Variants in ATRNL1 observed in about 807,000 individuals in gnomAD.
ATRNL1 encodes attractin like 1.
Under a neutral mutation model 182.7 loss-of-function variants are expected in ATRNL1, and 95 were observed. The observed-to-expected ratio is 0.52, with a 90% CI of 0.44 to 0.62. The LOEUF is 0.62. Ranked by LOEUF, ATRNL1 falls within the 20% of genes least tolerant of loss-of-function variation. The pLI is 0.00. For synonymous variants in ATRNL1, 576 were observed against 568.3 expected (o/e 1.01, Z -0.19); for missense variants, 1,471 against 1,679.5 (o/e 0.88, Z 2.17).
At chr10:115,664,487 A>G (rs553528793) in intron 26 of ATRNL1, among the ~76,000 whole-genome samples, 1 of 152,164 alleles carries the variant, frequency 6.6e-6, no homozygotes, top group Non-Finnish European at 1.5e-5. Flanking sequence ...TGTGTTCAAG[A>G]TGAGTCAGTA....
intron 28 of ATRNL1, among the ~76,000 whole-genome samples, chr10:115,881,948 T>TA (rs1283610872): frequency 3.3e-5 from 5 of 152,172 alleles, no homozygotes; most frequent in Non-Finnish European, 7.4e-5. Context: ...CCTAAATGCA[T>TA]ACCACCTATC....
At chr10:115,157,348 G>C (rs1376176840) in intron 5 of ATRNL1, among the ~76,000 whole-genome samples, 1 of 151,922 alleles carries the variant, frequency 6.6e-6, no homozygotes, top group Admixed American at 6.6e-5. Context: ...TTAATATTCA[G>C]TTAATTAGTA....
At chr10:115,664,410 A>G (rs1555039049) in intron 26 of ATRNL1, among the ~76,000 whole-genome samples, 2 of 152,182 alleles carry the variant, frequency 1.3e-5, no homozygotes, top group African/African-American at 4.8e-5. Context: ...ATAAGGATAT[A>G]TGTAGGCTTT....
chr10:115,658,964 A>T (rs1555036878), intron 26 of ATRNL1, among the ~76,000 whole-genome samples: 1 of 152,164 alleles, frequency 6.6e-6, no homozygotes, highest in East Asian at 1.9e-4. Flanking sequence ...GAGCTGGGCC[A>T]TGGGGGAAGC....
intron 20 of ATRNL1, among the ~76,000 whole-genome samples, chr10:115,423,511 G>C (rs540231022): frequency 1.3e-5 from 2 of 152,102 alleles, no homozygotes; most frequent in African/African-American, 4.8e-5. Flanking sequence ...CTGGGCAACC[G>C]AGTGAGACTG....
At chr10:115,597,709 G>A (rs1259292623) in intron 26 of ATRNL1, 1 of 446,830 alleles carries the variant, frequency 2.2e-6, no homozygotes, top group Admixed American at 2.4e-5. Flanking sequence ...ACCACGCTCA[G>A]CTAATTTTTG....
intron 28 of ATRNL1, among the ~76,000 whole-genome samples, chr10:115,866,784 G>T (rs1309860548): frequency 6.6e-6 from 1 of 152,128 alleles, no homozygotes; most frequent in Admixed American, 6.5e-5. Context: ...AGCTACAAGG[G>T]ATTTTAAAGA....
chr10:115,283,319 C>A (rs989962132), intron 14 of ATRNL1, among the ~76,000 whole-genome samples: 7 of 152,098 alleles, frequency 4.6e-5, no homozygotes, highest in African/African-American at 1.7e-4. Flanking sequence ...GAGGCTGAGG[C>A]AGGAGAATCA....
intron 1 of ATRNL1, among the ~76,000 whole-genome samples, chr10:115,113,536 A>T (rs911104888): frequency 6.6e-6 from 1 of 152,134 alleles, no homozygotes; most frequent in African/African-American, 2.4e-5. Flanking sequence ...AGTCTTTCCC[A>T]TGCTGTTCTC....
intron 13 of ATRNL1, among the ~76,000 whole-genome samples, chr10:115,273,462 C>T (rs889550346): frequency 6.6e-6 from 1 of 152,004 alleles, no homozygotes; most frequent in Non-Finnish European, 1.5e-5. Flanking sequence ...ATTCATGTTC[C>T]TTCCAAGTTC....
At chr10:115,833,607 C>T (rs1392375350) in intron 27 of ATRNL1, among the ~76,000 whole-genome samples, 2 of 152,180 alleles carry the variant, frequency 1.3e-5, no homozygotes, top group African/African-American at 4.8e-5. Flanking sequence ...CCAGGCAGTA[C>T]TCTAAATGCT....
intron 19 of ATRNL1, among the ~76,000 whole-genome samples, chr10:115,380,265 A>T (rs964322351): frequency 1.3e-5 from 2 of 152,190 alleles, no homozygotes; most frequent in Non-Finnish European, 2.9e-5. Context: ...GTTTTTTCAA[A>T]GGTAATAATC....
rs973636067 is a variant in ATRNL1, at chr10:115,506,357, C to T, written c.3655-12906C>T. On this transcript the variant is annotated intron_variant, in intron 24 of 28. Transcript: ENST00000355044. ...CAACAAAAACAGTTAAACAAACAAA[C>T]GACAGCAAACAAACACATTATGTGA... Among the ~76,000 whole-genome samples, 18 of 151,940 alleles carry T rather than the reference C, an allele frequency of 1.2e-4. No individual in the cohort carries two copies. In the East Asian group the frequency reaches 1.9e-3, roughly 16 times the overall value.
intron 10 of ATRNL1, among the ~76,000 whole-genome samples, chr10:115,264,894 T>G (rs1038656897): frequency 6.6e-6 from 1 of 151,662 alleles, no homozygotes; most frequent in Non-Finnish European, 1.5e-5. Flanking sequence ...TTAATAAATA[T>G]ATGTCTTCGA....
At chr10:115,153,758 T>C (rs1173448782) in intron 5 of ATRNL1, among the ~76,000 whole-genome samples, 11 of 152,206 alleles carry the variant, frequency 7.2e-5, no homozygotes, top group Admixed American at 7.2e-4. Context: ...TGTCTTCTGC[T>C]AGCTTTTGAA....
intron 25 of ATRNL1, among the ~76,000 whole-genome samples, chr10:115,531,127 C>A (rs1473183178): frequency 6.6e-6 from 1 of 151,080 alleles, no homozygotes; most frequent in African/African-American, 2.4e-5. Flanking sequence ...ATTTATAGTC[C>A]TTTGGGTATA....
At chr10:115,516,614 G>A (rs1219450132) in intron 24 of ATRNL1, among the ~76,000 whole-genome samples, 5 of 151,534 alleles carry the variant, frequency 3.3e-5, no homozygotes, top group South Asian at 2.1e-4. Flanking sequence ...AATATATTCC[G>A]AACTCTTTGT....
At chr10:115,125,233 T>G (rs1287168499) in intron 3 of ATRNL1, among the ~76,000 whole-genome samples, 2 of 152,198 alleles carry the variant, frequency 1.3e-5, no homozygotes, top group Admixed American at 6.5e-5. Flanking sequence ...ATTAGTTTAT[T>G]TAATCCTCAA....
intron 19 of ATRNL1, among the ~76,000 whole-genome samples, chr10:115,334,731 T>C (rs1473402303): frequency 6.6e-6 from 1 of 152,228 alleles, no homozygotes; most frequent in Admixed American, 6.5e-5. Flanking sequence ...ATAGTTTTTT[T>C]AATAAGTAAT....
Sources: gnomAD v4.1 joint callset for allele counts (sites outside exome capture counted in the v4.1 genomes callset) on GRCh38, gnomAD v4.1.1 for gene constraint, MANE v1.5 for transcripts, NCBI Gene and HGNC (gene_info 2026-07-23, HGNC 2026-07-21) for gene names.